Variants in SLC12A7 observed in about 807,000 individuals in gnomAD.
SLC12A7 encodes the protein K-Cl cotransporter 4.
In SLC12A7, 100 loss-of-function variants were observed where a neutral mutation model predicts 120.6. The observed-to-expected ratio is 0.83, with a 90% CI of 0.71 to 0.98. The LOEUF (loss-of-function observed/expected upper bound fraction) is 0.98. Ranked by LOEUF, SLC12A7 falls within the 50% of genes least tolerant of loss-of-function variation. SLC12A7 has a pLI of 0.00. For synonymous variants in SLC12A7, 760 were observed against 678.0 expected (o/e 1.12, Z -1.88); for missense variants, 1,373 against 1,548.1 (o/e 0.89, Z 1.90).
At chr5:1,089,195 C>A in intron 3 of SLC12A7, 67 bp from the exon 4 acceptor site, 1 of 1,560,810 alleles carries the variant, frequency 6.4e-7, no homozygotes, top group Non-Finnish European at 8.7e-7. Flanking sequence ...CCTCCCCAGG[C>A]TGCACTCAGG....
intron 22 of SLC12A7, among the ~76,000 whole-genome samples, chr5:1,055,322 C>T (rs1478420601): frequency 6.6e-6 from 1 of 152,220 alleles, no homozygotes; most frequent in African/African-American, 2.4e-5. Context: ...CGTACGTGGA[C>T]GTGCACACAG....
At chr5:1,133,539 T>C in the SLC12A7 span, among the ~76,000 whole-genome samples, 9 of 152,154 alleles carry the variant, frequency 5.9e-5, no homozygotes, top group African/African-American at 2.2e-4. Context: ...CCCCACACAG[T>C]GCTGTCTGGG....
the SLC12A7 span, among the ~76,000 whole-genome samples, chr5:1,148,395 C>T: frequency 6.6e-5 from 10 of 151,906 alleles, no homozygotes; most frequent in African/African-American, 1.2e-4. Context: ...TTAGTAGAGA[C>T]GGGGTTTCAC....
the SLC12A7 span, among the ~76,000 whole-genome samples, chr5:1,126,016 A>G: frequency 6.6e-6 from 1 of 152,042 alleles, no homozygotes; most frequent in Non-Finnish European, 1.5e-5. Context: ...TCATGTTATT[A>G]AGCTAATTCT....
chr5:1,056,265 C>T (rs12515197), intron 22 of SLC12A7, among the ~76,000 whole-genome samples: 6,853 of 152,232 alleles, frequency 0.045, 177 homozygotes, highest in African/African-American at 0.067. Context: ...ACGGGCCCTG[C>T]GAGGCGCACG....
At chr5:1,059,600 A>G (rs4571515) in intron 21 of SLC12A7, among the ~76,000 whole-genome samples, 142,927 of 152,254 alleles carry the variant, frequency 0.94, 67,758 homozygotes, top group East Asian at 1. Flanking sequence ...CCACAAAGAC[A>G]CCTGCCCTTG....
At chr5:1,103,368 G>T (rs1742193550) in intron 1 of SLC12A7, among the ~76,000 whole-genome samples, 2 of 152,184 alleles carry the variant, frequency 1.3e-5, no homozygotes. Context: ...AGGAAGCCTG[G>T]CTGGAAGGTC....
chr5:1,062,533 C>A lies in SLC12A7; in HGVS notation c.2739+1311G>T, dbSNP rs80052108. Among the ~76,000 whole-genome samples the A allele has an allele frequency of 9.8e-5, 15 of 152,338 alleles. No individual in the cohort carries two copies. The East Asian group carries it at 2.7e-3, about 28-fold the overall frequency. ...TCCTGCAGGGCAAGAGGAAGAACAA[C>A]CCCACAGGACAACTGAGTTCCACGG... On this transcript the variant is annotated intron_variant, in intron 20 of 23. Coordinates refer to ENST00000264930, the MANE Select transcript of SLC12A7 (RefSeq NM_006598.3).
intron 7 of SLC12A7, among the ~76,000 whole-genome samples, chr5:1,084,868 T>C (rs1368355370): frequency 1.3e-5 from 2 of 151,942 alleles, no homozygotes; most frequent in East Asian, 3.9e-4. Context: ...TCCAAGCACC[T>C]CTGGGAGGGA....
the SLC12A7 span, among the ~76,000 whole-genome samples, chr5:1,148,205 CTT>C: frequency 1.2e-4 from 13 of 107,594 alleles, no homozygotes; most frequent in African/African-American, 2.3e-4. Flanking sequence ...TTCTTTCTTT[CTT>C]TTTTTTTTTT....
chr5:1,120,306 G>GC, the SLC12A7 span, among the ~76,000 whole-genome samples: 17 of 152,262 alleles, frequency 1.1e-4, no homozygotes, highest in East Asian at 9.7e-4. Context: ...CGTCCACAGG[G>GC]CCCCCCCACC....
the SLC12A7 span, among the ~76,000 whole-genome samples, chr5:1,120,530 G>A: frequency 1.3e-5 from 2 of 152,238 alleles, no homozygotes; most frequent in Non-Finnish European, 2.9e-5. Context: ...CTGGAGGTCC[G>A]TGGAATGCAC....
intron 6 of SLC12A7, among the ~76,000 whole-genome samples, chr5:1,086,059 C>T (rs1320159117): frequency 1.3e-5 from 2 of 152,184 alleles, no homozygotes; most frequent in Non-Finnish European, 2.9e-5. Flanking sequence ...GCATGGCACC[C>T]ACCCCCACCA....
At chr5:1,137,533 C>T in the SLC12A7 span, among the ~76,000 whole-genome samples, 1 of 152,218 alleles carries the variant, frequency 6.6e-6, no homozygotes, top group Non-Finnish European at 1.5e-5. Context: ...ACACCTTCCC[C>T]CTCCTCCTCA....
At chr5:1,085,780 C>T (rs979515495) in intron 6 of SLC12A7, among the ~76,000 whole-genome samples, 1 of 152,314 alleles carries the variant, frequency 6.6e-6, no homozygotes, top group African/African-American at 2.4e-5. Context: ...AGGAACCACC[C>T]GGGAGCCTTA....
the SLC12A7 span, among the ~76,000 whole-genome samples, chr5:1,117,972 A>T: frequency 2.0e-5 from 3 of 152,170 alleles, no homozygotes; most frequent in Non-Finnish European, 4.4e-5. This position sits in a 1 kb window ranked among gnomAD's most constrained non-coding sequence, Gnocchi z 4.5. Flanking sequence ...GCTACTCGGG[A>T]GGCTGAGGCA....
chr5:1,073,642 C>G lies in SLC12A7; in HGVS notation c.2232G>C (p.Arg744=). 2 of 1,603,008 alleles carry G rather than the reference C, an allele frequency of 1.2e-6. No homozygotes were observed. Residue 744 remains arginine (R), a synonymous_variant, in exon 17 of 24, where the codon CGG becomes CGC. Transcript: ENST00000264930. ...ACCCCGCCCGGCCCACCTCCTCGGCCCGCTGAGCCTCCATGTGCTTGTCCA... is the reference window on the plus strand; with the variant it reads ...ACCCCGCCCGGCCCACCTCCTCGGCGCGCTGAGCCTCCATGTGCTTGTCCA... ...TYLDKHMEAQ[R]AEENIRSLMS...
the SLC12A7 span, among the ~76,000 whole-genome samples, chr5:1,120,941 A>C: frequency 8.7e-4 from 132 of 152,266 alleles, 1 homozygote; most frequent in African/African-American, 3.0e-3. Flanking sequence ...CCGAGCTCGG[A>C]GCTCACCCGG....
intron 21 of SLC12A7, among the ~76,000 whole-genome samples, chr5:1,059,108 C>A (rs866494589): frequency 5.3e-5 from 8 of 152,248 alleles, no homozygotes; most frequent in African/African-American, 1.7e-4. Context: ...TCTCAGGGAC[C>A]TGGCCTGGAC....
Sources: allele counts gnomAD v4.1 joint callset (sites outside exome capture counted in the v4.1 genomes callset), GRCh38; gene constraint gnomAD v4.1.1; non-coding constraint Gnocchi (gnomAD v3.1); transcripts MANE v1.5; gene names NCBI Gene and HGNC (gene_info 2026-07-23, HGNC 2026-07-21).